The following KLHL1 variants were observed in gnomAD, a reference collection of about 807,000 sequenced individuals.
KLHL1 encodes kelch like family member 1, also known as kelch-like protein 1.
In KLHL1, 47 loss-of-function variants were observed where a neutral mutation model predicts 77.7. The observed-to-expected ratio is 0.60, with a 90% CI of 0.48 to 0.77. The LOEUF is 0.77. Among genes scored for constraint, KLHL1 ranks in the 30% least tolerant of loss-of-function variants. The pLI is 0.00. For synonymous variants in KLHL1, 360 were observed against 325.2 expected (o/e 1.11, Z -1.15); for missense variants, 925 against 910.8 (o/e 1.02, Z -0.20).
At chr13:69,837,922 G>T (rs1313562602) in intron 6 of KLHL1, among the ~76,000 whole-genome samples, 1 of 151,150 alleles carries the variant, frequency 6.6e-6, no homozygotes, top group Non-Finnish European at 1.5e-5. Context: ...CAAACATTTT[G>T]CCCTTTTATT....
intron 7 of KLHL1, among the ~76,000 whole-genome samples, chr13:69,787,196 T>C (rs1208125770): frequency 2.0e-5 from 3 of 152,042 alleles, no homozygotes; most frequent in Non-Finnish European, 4.4e-5. Context: ...GAGCCCTCAT[T>C]GCCAAGTCAA....
In KLHL1 at chr13:69,701,617, A is replaced by G. The variant is rs1875398957; in HGVS notation, c.*85T>C. The G allele has an allele frequency of 4.2e-5, 39 of 923,800 alleles. No homozygotes were observed. The South Asian group carries it at 5.8e-4, about 14-fold the overall frequency. 57.2% of individuals were successfully genotyped at this position (923,800 alleles called of 1,614,324 possible). ...AGATCCTTGTTCTTGAAGAGTTTTCATCTCTGGAAGTTCTCATTCTTGCCA... is the reference window on the plus strand; with the variant it reads ...AGATCCTTGTTCTTGAAGAGTTTTCGTCTCTGGAAGTTCTCATTCTTGCCA... On this transcript the variant is annotated 3_prime_UTR_variant, in exon 11 of 11. Transcript: ENST00000377844.
intron 1 of KLHL1, among the ~76,000 whole-genome samples, chr13:69,994,689 G>A (rs960088653): frequency 1.3e-5 from 2 of 152,068 alleles, no homozygotes; most frequent in Admixed American, 1.3e-4. Flanking sequence ...AATTGGTATG[G>A]TTCTACTTAC....
At chr13:69,943,371 A>C (rs1034438456) in intron 3 of KLHL1, among the ~76,000 whole-genome samples, 1 of 152,128 alleles carries the variant, frequency 6.6e-6, no homozygotes, top group Non-Finnish European at 1.5e-5. Flanking sequence ...GTAAGACAGT[A>C]AAGAAATCTA....
At chr13:69,760,512 C>T (rs372595966) in intron 7 of KLHL1, among the ~76,000 whole-genome samples, 3 of 151,988 alleles carry the variant, frequency 2.0e-5, no homozygotes, top group Non-Finnish European at 2.9e-5. Flanking sequence ...TGTACCACCA[C>T]ACCCGGCTAA....
At chr13:69,834,130 G>A (rs1484392229) in intron 6 of KLHL1, among the ~76,000 whole-genome samples, 2 of 151,730 alleles carry the variant, frequency 1.3e-5, no homozygotes, top group Admixed American at 6.6e-5. Flanking sequence ...CTACACATTG[G>A]GTATGGTGTA....
At chr13:70,031,137 C>A (rs1295174004) in intron 1 of KLHL1, among the ~76,000 whole-genome samples, 1 of 151,050 alleles carries the variant, frequency 6.6e-6, no homozygotes, top group Non-Finnish European at 1.5e-5. Flanking sequence ...CAGATGTTAG[C>A]TTTATCCAAT....
intron 6 of KLHL1, among the ~76,000 whole-genome samples, chr13:69,817,404 A>C (rs540724439): frequency 2.9e-4 from 44 of 152,280 alleles, no homozygotes; most frequent in African/African-American, 1.0e-3. Flanking sequence ...CCTGTAAAAA[A>C]TACATGTTTT....
intron 1 of KLHL1, among the ~76,000 whole-genome samples, chr13:70,094,725 G>T (rs530073207): frequency 6.6e-6 from 1 of 152,138 alleles, no homozygotes; most frequent in East Asian, 1.9e-4. Flanking sequence ...GGCTTCCTTA[G>T]CCGGCCAAGT....
chr13:69,753,978 AGGCGTGTTCCACCATGCCTGGCTAAT>A, intron 7 of KLHL1, among the ~76,000 whole-genome samples: 1 of 151,020 alleles, frequency 6.6e-6, no homozygotes, highest in African/African-American at 2.4e-5. Context: ...CTGGGACTAG[AGGCGTGTTCCACCATGCCTGGCTAAT>A]TTTTTTTTTT....
At chr13:69,936,087 T>A (rs1376734704) in intron 4 of KLHL1, among the ~76,000 whole-genome samples, 10 of 152,194 alleles carry the variant, frequency 6.6e-5, no homozygotes. Flanking sequence ...TTTAAAGATA[T>A]TTCTTGGGCA....
intron 3 of KLHL1, among the ~76,000 whole-genome samples, chr13:69,949,113 A>G (rs915655536): frequency 2.0e-5 from 3 of 151,932 alleles, no homozygotes; most frequent in Non-Finnish European, 2.9e-5. Flanking sequence ...AACATCTTAC[A>G]TTCGTATGAT....
intron 1 of KLHL1, among the ~76,000 whole-genome samples, chr13:69,987,311 C>A (rs1263832968): frequency 6.6e-6 from 1 of 151,886 alleles, no homozygotes; most frequent in African/African-American, 2.4e-5. Flanking sequence ...TTTATAAATT[C>A]TCTAATACAA....
At chr13:69,763,869 C>T (rs140987265) in intron 7 of KLHL1, among the ~76,000 whole-genome samples, 178 of 152,298 alleles carry the variant, frequency 1.2e-3, no homozygotes, top group African/African-American at 3.9e-3. Context: ...ACAGGAGATT[C>T]CAGCATAATA....
intron 6 of KLHL1, among the ~76,000 whole-genome samples, chr13:69,815,426 C>T (rs529956323): frequency 6.6e-6 from 1 of 152,300 alleles, no homozygotes; most frequent in East Asian, 1.9e-4. Flanking sequence ...AGCTGTAGGC[C>T]ATTATCCTAA....
chr13:69,768,507 T>C (rs1317097969), intron 7 of KLHL1, among the ~76,000 whole-genome samples: 1 of 152,094 alleles, frequency 6.6e-6, no homozygotes, highest in African/African-American at 2.4e-5. Context: ...TTTACTGTTT[T>C]CAAATGATGT....
intron 1 of KLHL1, among the ~76,000 whole-genome samples, chr13:70,049,758 C>T (rs932578341): frequency 2.0e-5 from 3 of 152,014 alleles, no homozygotes; most frequent in Non-Finnish European, 4.4e-5. Flanking sequence ...CCAAGATAAA[C>T]AATGCGGTGT....
Position 70,014,125 on chromosome 13 carries a change from C to A in KLHL1, c.498-38323G>T, listed in dbSNP as rs1441373597. 3.9e-5 allele frequency among the ~76,000 whole-genome samples: 6 copies of A among 151,932 alleles called. No homozygotes were observed. In the East Asian group the frequency reaches 1.2e-3, roughly 29 times the overall value. The stretch of plus-strand genomic sequence containing the variant: ...TAATATACAATAAAAATAATAAAAT[C>A]TATGCTTCTCAGGTACTTATGTGGA... On this transcript the variant is annotated intron_variant, in intron 1 of 10. Transcript: ENST00000377844.
At position 70,107,872 on chromosome 13, in the gene KLHL1, C is replaced by T. The variant is rs1405954994; in HGVS notation, c.-173G>A. On this transcript the variant is annotated 5_prime_UTR_variant, in exon 1 of 11. Coordinates refer to ENST00000377844, the MANE Select transcript of KLHL1 (RefSeq NM_020866.3). ...GCGCTCTGCCAGGCGAAGGCTGGAG[C>T]GCAGACGGCAAAGCCGCGCGTTTCA... is the stretch of plus-strand genomic sequence containing the variant. 7.1e-6 allele frequency: 4 copies of T among 560,750 alleles called. No individual in the cohort carries two copies. The highest frequency in any genetic ancestry group is 1.9e-5 in the African/African-American group (1 of 52,864). The allele number at this position is 560,750 out of a possible 1,614,324, so 34.7% of individuals were successfully genotyped here. A position where few individuals can be genotyped will look rare whatever the true frequency, so the allele number is the denominator to read the frequency against.
Sources: allele counts gnomAD v4.1 joint callset (sites outside exome capture counted in the v4.1 genomes callset), GRCh38; gene constraint gnomAD v4.1.1; transcripts MANE v1.5; gene names NCBI Gene and HGNC (gene_info 2026-07-23, HGNC 2026-07-21).